The following SLC11A2 variants were observed in gnomAD, a reference collection of about 807,000 sequenced individuals.
SLC11A2 encodes solute carrier family 11 member 2.
Under a neutral mutation model 68.0 loss-of-function variants are expected in SLC11A2, and 38 were observed. The ratio of observed to expected loss-of-function variants is 0.56; its 90% CI spans 0.43 to 0.73. The LOEUF (loss-of-function observed/expected upper bound fraction) is 0.73. SLC11A2 is among the 30% of genes least tolerant of loss of function. The pLI is 0.00. For missense variants in SLC11A2, 517 were observed against 690.5 expected, an observed-to-expected ratio of 0.75 and a Z score of 2.82; for synonymous variants, 242 against 250.6, an observed-to-expected ratio of 0.97 and a Z score of 0.32.
chr12:51,027,915 AGTG>A (rs67003625), upstream of SLC11A2, among the ~76,000 whole-genome samples: 70,653 of 135,698 alleles, frequency 0.52, 18,934 homozygotes, highest in Non-Finnish European at 0.56. Context: ...ACCAAAAAAA[AGTG>A]GGGGGGGGGG....
At position 50,987,792 on chromosome 12, in the gene SLC11A2, G is replaced by A. The variant is rs1377911222; in HGVS notation, c.*533C>T. The A allele has an allele frequency of 6.3e-6, 8 of 1,275,110 alleles. No homozygotes were observed. The highest frequency in any genetic ancestry group is 8.1e-6 in the Non-Finnish European group (8 of 984,574). 79.0% of individuals were successfully genotyped at this position (1,275,110 alleles called of 1,614,324 possible). ...AGAATCCTAAGCCTGATAGAGCTAG[G>A]TGTCTCTTCATTTTATATTTCATAT... On this transcript the variant is annotated 3_prime_UTR_variant, in exon 16 of 16. Transcript: ENST00000262052.
At chr12:50,995,250 A>T (rs2136212501) in intron 10 of SLC11A2, among the ~76,000 whole-genome samples, 1 of 152,314 alleles carries the variant, frequency 6.6e-6, no homozygotes, top group African/African-American at 2.4e-5. Context: ...AGGTGGAGGC[A>T]GTGAGCCAAG....
In SLC11A2 at chr12:51,008,514, T is replaced by C. The variant is rs770968546; in HGVS notation, c.145A>G (p.Thr49Ala). 1.2e-6 allele frequency: 2 copies of C among 1,613,306 alleles called. No individual in the cohort carries two copies. Among genetic ancestry groups the C allele is most frequent in the Non-Finnish European group, 1.7e-6 (2 of 1,179,346 alleles). Reference protein sequence around the residue: ...SPGDSEEYFATYFNEKISIPE... With the variant: ...SPGDSEEYFAAYFNEKISIPE... Reference sequence around the variant, plus strand: ...ATGGAGATCTTCTCATTAAAGTAAGTGGCGAAGTACTCCTCTGAGTCCCCA... The same window carrying C: ...ATGGAGATCTTCTCATTAAAGTAAGCGGCGAAGTACTCCTCTGAGTCCCCA... The change falls in exon 3 of 16, where the codon ACT becomes GCT. Residue 49 changes from threonine (T) to alanine (A), a missense_variant. Coordinates refer to ENST00000262052, the MANE Select transcript of SLC11A2 (RefSeq NM_000617.3).
chr12:51,012,597 T>C (rs1943321410), intron 1 of SLC11A2, among the ~76,000 whole-genome samples: 1 of 152,236 alleles, frequency 6.6e-6, no homozygotes, highest in Non-Finnish European at 1.5e-5. Flanking sequence ...TTTTGGGTAA[T>C]CTTTCTATCT....
intron 1 of SLC11A2, among the ~76,000 whole-genome samples, chr12:51,022,979 T>C (rs1944146136): frequency 6.6e-6 from 1 of 152,252 alleles, no homozygotes; most frequent in Non-Finnish European, 1.5e-5. Context: ...TTTTGATCAT[T>C]GCTGGCCAAT....
the SLC11A2 span, among the ~76,000 whole-genome samples, chr12:50,968,886 C>T: frequency 1.3e-5 from 2 of 148,282 alleles, no homozygotes; most frequent in Non-Finnish European, 3.0e-5. Context: ...GCTATTTTGA[C>T]TAGGCTGGTC....
downstream of SLC11A2, among the ~76,000 whole-genome samples, chr12:50,985,418 A>G (rs1400497656): frequency 2.6e-5 from 4 of 152,160 alleles, no homozygotes; most frequent in African/African-American, 9.7e-5. Context: ...GGGAAAATGA[A>G]GTTCTGGTGA....
downstream of SLC11A2, chr12:50,980,614 G>A (rs528624892): frequency 6.6e-6 from 1 of 152,316 alleles, no homozygotes; most frequent in East Asian, 1.9e-4. Flanking sequence ...GTGATATGTG[G>A]ACTAATATTC....
At chr12:51,016,019 G>C (rs1943621933) in intron 1 of SLC11A2, among the ~76,000 whole-genome samples, 1 of 151,712 alleles carries the variant, frequency 6.6e-6, no homozygotes, top group African/African-American at 2.4e-5. Flanking sequence ...TCCTGACCTT[G>C]TGATCTGCCC....
At chr12:51,018,762 G>T (rs1308126466) in intron 1 of SLC11A2, among the ~76,000 whole-genome samples, 2 of 152,096 alleles carry the variant, frequency 1.3e-5, no homozygotes, top group Non-Finnish European at 2.9e-5. Flanking sequence ...GACCCTGTCT[G>T]TCATAAACAA....
chr12:51,027,921 G>GT (rs1566053714), upstream of SLC11A2, among the ~76,000 whole-genome samples: 1 of 150,798 alleles, frequency 6.6e-6, no homozygotes, highest in African/African-American at 2.4e-5. Flanking sequence ...AAAAAGTGGG[G>GT]GGGGGGGGCT....
At chr12:50,961,151 T>C in the SLC11A2 span, 1 of 1,563,760 alleles carries the variant, frequency 6.4e-7, no homozygotes, top group Non-Finnish European at 8.8e-7. Context: ...TGAGAGTACA[T>C]TTATTTATTT....
chr12:50,979,203 ACT>A (rs761087538), downstream of SLC11A2, among the ~76,000 whole-genome samples: 44 of 152,124 alleles, frequency 2.9e-4, no homozygotes, highest in Non-Finnish European at 2.8e-4. Context: ...CTTACCCAAG[ACT>A]CACTCTTAGT....
the SLC11A2 span, among the ~76,000 whole-genome samples, chr12:50,972,031 G>C: frequency 1.3e-5 from 2 of 152,180 alleles, no homozygotes; most frequent in African/African-American, 4.8e-5. Flanking sequence ...AAATAGGCAA[G>C]GAAAGAATCC....
the SLC11A2 span, among the ~76,000 whole-genome samples, chr12:50,962,558 G>C: frequency 0.016 from 2,361 of 152,078 alleles, 68 homozygotes; most frequent in African/African-American, 0.053. Flanking sequence ...AAATTAGCCA[G>C]GTGTGGCATG....
At chr12:51,005,789 G>T in intron 3 of SLC11A2, 1 of 855,436 alleles carries the variant, frequency 1.2e-6, no homozygotes, top group Non-Finnish European at 1.7e-6. Context: ...TGTGGTGTGT[G>T]CCTATAGTCC....
At chr12:50,956,992 T>A in the SLC11A2 span, among the ~76,000 whole-genome samples, 1 of 148,620 alleles carries the variant, frequency 6.7e-6, no homozygotes, top group East Asian at 1.9e-4. Flanking sequence ...ATTTTGTTAT[T>A]TTTTTTTTTG....
rs538196420 is a variant in SLC11A2 at position 51,012,975 on chromosome 12, G to A, written c.-38-2209C>T. On this transcript the variant is annotated intron_variant, in intron 1 of 15. Transcript: ENST00000262052. ...ATTCCAATCACAGCACAGCCCCGACGTTCCCGGCAAAGCCTTTTTACTTTT... is the reference window on the plus strand; with the variant it reads ...ATTCCAATCACAGCACAGCCCCGACATTCCCGGCAAAGCCTTTTTACTTTT... 2.2e-4 allele frequency among the ~76,000 whole-genome samples: 33 copies of A among 152,238 alleles called. 1 individual carries two copies. The East Asian group carries it at 5.4e-3, about 25-fold the overall frequency.
At chr12:50,963,965 A>T in the SLC11A2 span, among the ~76,000 whole-genome samples, 1 of 152,206 alleles carries the variant, frequency 6.6e-6, no homozygotes, top group Non-Finnish European at 1.5e-5. Context: ...ATCCAAAAGC[A>T]TGCTAGTTAT....
Sources: gnomAD v4.1 joint callset for allele counts (sites outside exome capture counted in the v4.1 genomes callset) on GRCh38, gnomAD v4.1.1 for gene constraint, MANE v1.5 for transcripts, NCBI Gene and HGNC (gene_info 2026-07-23, HGNC 2026-07-21) for gene names.